DYNC1I1: variants seen among roughly 807,000 people sequenced by gnomAD.
DYNC1I1 encodes the protein dynein cytoplasmic 1 intermediate chain 1.
A neutral mutation model predicts 86.6 loss-of-function variants in DYNC1I1; 43 were observed. The observed-to-expected ratio is 0.50, with a 90% CI of 0.39 to 0.64. DYNC1I1 has a LOEUF of 0.64. Ranked by LOEUF, DYNC1I1 falls within the 30% of genes least tolerant of loss-of-function variation. The pLI, the probability that DYNC1I1 is intolerant of heterozygous loss-of-function variation, is 0.00. For synonymous variants in DYNC1I1, 262 were observed against 283.7 expected, an observed-to-expected ratio of 0.92 and a Z score of 0.77; for missense variants, 604 against 788.8, an observed-to-expected ratio of 0.77 and a Z score of 2.81.
chr7:96,009,940 C>G (rs903839860), intron 10 of DYNC1I1, among the ~76,000 whole-genome samples: 1 of 151,994 alleles, frequency 6.6e-6, no homozygotes, highest in Non-Finnish European at 1.5e-5. Context: ...CCACCACACC[C>G]GGCAAATTTT....
chr7:95,834,651 C>T (rs1424178606), intron 5 of DYNC1I1, among the ~76,000 whole-genome samples: 4 of 137,596 alleles, frequency 2.9e-5, no homozygotes, highest in Non-Finnish European at 4.7e-5. Context: ...ATTTCAGATC[C>T]TGTTATTGGT....
intron 6 of DYNC1I1, among the ~76,000 whole-genome samples, chr7:95,898,722 C>T (rs1302781491): frequency 2.0e-5 from 3 of 152,142 alleles, no homozygotes; most frequent in Non-Finnish European, 4.4e-5. Flanking sequence ...TATTTATTTA[C>T]TTTTTGATTG....
At chr7:95,859,280 T>C (rs969546986) in intron 5 of DYNC1I1, among the ~76,000 whole-genome samples, 2 of 152,084 alleles carry the variant, frequency 1.3e-5, no homozygotes, top group Non-Finnish European at 2.9e-5. Context: ...AAAACAATTA[T>C]TTTGAATTCT....
At chr7:95,864,565 C>T (rs1789969822) in intron 5 of DYNC1I1, among the ~76,000 whole-genome samples, 1 of 152,132 alleles carries the variant, frequency 6.6e-6, no homozygotes, top group African/African-American at 2.4e-5. Flanking sequence ...GATGTTGGCT[C>T]CAGGTCACTT....
chr7:95,891,138 G>GA (rs1790725956), intron 6 of DYNC1I1, among the ~76,000 whole-genome samples: 1 of 152,174 alleles, frequency 6.6e-6, no homozygotes, highest in Admixed American at 6.5e-5. Context: ...AAGCCCATGT[G>GA]AAAAAAACAG....
chr7:95,836,267 A>G (rs927144662), intron 5 of DYNC1I1, among the ~76,000 whole-genome samples: 3 of 152,024 alleles, frequency 2.0e-5, no homozygotes, highest in African/African-American at 7.2e-5. Flanking sequence ...TCTGGGTTGA[A>G]AATTCTTTAA....
intron 4 of DYNC1I1, among the ~76,000 whole-genome samples, chr7:95,827,529 A>G (rs1795227345): frequency 6.6e-6 from 1 of 152,180 alleles, no homozygotes; most frequent in Non-Finnish European, 1.5e-5. Context: ...TATATAAATA[A>G]GCATAAAATA....
At chr7:96,104,776 G>A (rs1456415642) in intron 16 of DYNC1I1, among the ~76,000 whole-genome samples, 1 of 152,064 alleles carries the variant, frequency 6.6e-6, no homozygotes, top group African/African-American at 2.4e-5. Context: ...TGCAATAGCT[G>A]TGTATTAATT....
At chr7:95,869,339 G>A (rs1790099777) in intron 5 of DYNC1I1, among the ~76,000 whole-genome samples, 1 of 152,124 alleles carries the variant, frequency 6.6e-6, no homozygotes, top group Admixed American at 6.5e-5. Flanking sequence ...ATATCAATGT[G>A]TCTTTCAAGC....
In DYNC1I1 at chr7:95,810,498, C is replaced by A; in HGVS notation, c.215C>A (p.Pro72Gln). Residue 72 changes from proline (P) to glutamine (Q), a missense_variant, in exon 3 of 17, where the codon CCG (proline) becomes CAG (glutamine). Coordinates refer to ENST00000447467, the MANE Select transcript of DYNC1I1 (RefSeq NM_001135556.2). ...CAAAGCATTGGTATCTCACCGGAGC[C>A]GCCTCTAGGTACTTAAAAGTGCTTC... Reference protein sequence around the residue: ...LLQSIGISPEPPLVPTPMSPS... With the variant: ...LLQSIGISPEQPLVPTPMSPS... 2 of 1,611,548 alleles carry A rather than the reference C, an allele frequency of 1.2e-6. No individual in the cohort carries two copies. Among genetic ancestry groups the A allele is most frequent in the Non-Finnish European group, 1.7e-6 (2 of 1,178,746 alleles).
At chr7:96,018,468 A>G (rs928049545) in intron 10 of DYNC1I1, among the ~76,000 whole-genome samples, 5 of 152,220 alleles carry the variant, frequency 3.3e-5, no homozygotes, top group Admixed American at 2.6e-4. Flanking sequence ...AGCGATGTGT[A>G]GTATATGCTT....
Position 95,803,990 on chromosome 7 carries a change from T to C in DYNC1I1, c.-9-731T>C, listed in dbSNP as rs140974827. Among the ~76,000 whole-genome samples, 92 of 152,330 alleles carry C rather than the reference T, an allele frequency of 6.0e-4. 1 individual carries two copies. Among genetic ancestry groups the C allele is most frequent in the African/African-American group, 2.0e-3 (83 of 41,580 alleles). On this transcript the variant is annotated intron_variant, in intron 1 of 16. Transcript: ENST00000447467. ...GATAAATTTTCCCAAGAACTTGCCA[T>C]GGTGTTATCTCCCGTTTCATGTGCT...
chr7:95,800,916 A>G (rs1276719191), intron 1 of DYNC1I1, among the ~76,000 whole-genome samples: 1 of 152,232 alleles, frequency 6.6e-6, no homozygotes, highest in Non-Finnish European at 1.5e-5. Flanking sequence ...TTTGATGTGC[A>G]GGGAGATTTA....
At chr7:96,097,448 C>G (rs1791048928) in intron 16 of DYNC1I1, 35 bp from the exon 17 acceptor site, 1 of 1,611,370 alleles carries the variant, frequency 6.2e-7, no homozygotes, top group African/African-American at 1.3e-5. Context: ...TGAAAGATAT[C>G]TTGTTCATCA....
At chr7:96,066,497 G>C (rs1178684590) in intron 14 of DYNC1I1, among the ~76,000 whole-genome samples, 1 of 152,162 alleles carries the variant, frequency 6.6e-6, no homozygotes, top group Non-Finnish European at 1.5e-5. Flanking sequence ...ATTCCTCCCA[G>C]AGTTTTTCCC....
intron 6 of DYNC1I1, among the ~76,000 whole-genome samples, chr7:95,964,945 A>C (rs1792970648): frequency 6.6e-6 from 1 of 152,200 alleles, no homozygotes. Flanking sequence ...AATGTCCAAG[A>C]AGTTAGCTTG....
intron 10 of DYNC1I1, among the ~76,000 whole-genome samples, chr7:96,014,783 A>G (rs1794363101): frequency 1.3e-5 from 2 of 152,208 alleles, no homozygotes; most frequent in African/African-American, 4.8e-5. Context: ...ACAATTCATT[A>G]TAATTTATCA....
intron 6 of DYNC1I1, among the ~76,000 whole-genome samples, chr7:95,892,723 A>T (rs929156559): frequency 5.9e-5 from 9 of 152,220 alleles, no homozygotes; most frequent in Admixed American, 5.9e-4. Context: ...CTGGGATTAC[A>T]GGTGTGAGCC....
At chr7:95,863,930 A>G (rs997955129) in intron 5 of DYNC1I1, among the ~76,000 whole-genome samples, 1 of 152,208 alleles carries the variant, frequency 6.6e-6, no homozygotes, top group Admixed American at 6.5e-5. Flanking sequence ...AACATCCCAA[A>G]ATATCATTCA....
Sources: allele counts gnomAD v4.1 joint callset (sites outside exome capture counted in the v4.1 genomes callset), GRCh38; gene constraint gnomAD v4.1.1; transcripts MANE v1.5; gene names NCBI Gene and HGNC (gene_info 2026-07-23, HGNC 2026-07-21).